The following ITGA1 variants were observed in gnomAD, a reference collection of about 807,000 sequenced individuals.
ITGA1 encodes integrin alpha-1.
ITGA1 carries 85 observed loss-of-function variants against 145.9 expected under a neutral mutation model. That is an observed-to-expected ratio of 0.58 (90% CI 0.49 to 0.70). The LOEUF (loss-of-function observed/expected upper bound fraction) is 0.70. ITGA1 is among the 30% of genes least tolerant of loss of function. The probability of loss-of-function intolerance (pLI) is 0.00; values close to 1 mark genes in which losing one functional copy is unlikely to be tolerated. For missense variants in ITGA1, 1,351 were observed against 1,418.7 expected (o/e 0.95, Z 0.77); for synonymous variants, 520 against 495.3 (o/e 1.05, Z -0.66).
chr5:52,930,042 C>T (rs1005073028), intron 21 of ITGA1, among the ~76,000 whole-genome samples: 1 of 152,148 alleles, frequency 6.6e-6, no homozygotes, highest in East Asian at 1.9e-4. Context: ...GGCTGCCCAT[C>T]AAGGTCAAAT....
chr5:52,802,133 A>T (rs967602671), intron 1 of ITGA1: 2 of 293,448 alleles, frequency 6.8e-6, no homozygotes, highest in African/African-American at 4.4e-5. Flanking sequence ...TTTAAAGACG[A>T]TGCCTATGCA....
At chr5:52,805,042 A>C (rs1748563328) in intron 1 of ITGA1, among the ~76,000 whole-genome samples, 1 of 152,154 alleles carries the variant, frequency 6.6e-6, no homozygotes, top group Non-Finnish European at 1.5e-5. Flanking sequence ...ATGTAAGCAA[A>C]TCACTGTTAG....
chr5:52,838,214 A>G (rs925650240), intron 1 of ITGA1, among the ~76,000 whole-genome samples: 14 of 152,168 alleles, frequency 9.2e-5, no homozygotes, highest in African/African-American at 3.1e-4. Context: ...AGGAAGGGAG[A>G]GAAATTATAC....
rs1376008026 is a variant in ITGA1, at chr5:52,898,287, G to C, written c.1213G>C (p.Val405Leu). Residue 405 changes from valine (V) to leucine (L), a missense_variant, in exon 11 of 29, where the codon GTT becomes CTT. Val to Leu is a conservative substitution (Grantham distance 32). Transcript: ENST00000282588. ...AGGAGCCTATGATTGGAATGGAACA[G>C]TTGTCATGCAGAAGGCTAGTCAAAT... ...AVGAYDWNGT[V>L]VMQKASQIII... 3.7e-6 allele frequency: 6 copies of C among 1,611,958 alleles called. No homozygotes were observed. The highest frequency in any genetic ancestry group is 3.4e-6 in the Non-Finnish European group (4 of 1,178,776).
Position 52,830,131 on chromosome 5 carries a change from C to G in ITGA1, c.62-19234C>G, listed in dbSNP as rs147393446. On this transcript the variant is annotated intron_variant, in intron 1 of 28. Coordinates refer to ENST00000282588, the MANE Select transcript of ITGA1 (RefSeq NM_181501.2). ...AAAAAGCCAGTAGGGTATAGTAGCT[C>G]TGTGGCAAGCAATTTTAGTATCAGA... 3.3e-3 allele frequency among the ~76,000 whole-genome samples: 496 copies of G among 152,202 alleles called. 3 individuals are homozygous for G. Among genetic ancestry groups the G allele is most frequent in the African/African-American group, 0.011 (453 of 41,542 alleles).
At chr5:52,852,410 G>T (rs1170105887) in intron 2 of ITGA1, among the ~76,000 whole-genome samples, 1 of 152,092 alleles carries the variant, frequency 6.6e-6, no homozygotes, top group Non-Finnish European at 1.5e-5. Flanking sequence ...GAGCCTTCAG[G>T]CTGTATTAGG....
At chr5:52,844,230 A>G (rs1441143279) in intron 1 of ITGA1, among the ~76,000 whole-genome samples, 1 of 152,170 alleles carries the variant, frequency 6.6e-6, no homozygotes, top group Non-Finnish European at 1.5e-5. Context: ...AAGTCCTTCA[A>G]GAAGTTAGAT....
At chr5:52,809,790 A>G (rs1189298001) in intron 1 of ITGA1, among the ~76,000 whole-genome samples, 1 of 152,082 alleles carries the variant, frequency 6.6e-6, no homozygotes, top group East Asian at 1.9e-4. Context: ...GGCGTGAGTC[A>G]CTGCACCTGG....
In ITGA1 at chr5:52,893,841, G is replaced by T; in HGVS notation, c.1090+1G>T. 11 of 1,605,632 alleles carry T rather than the reference G, an allele frequency of 6.9e-6. No homozygotes were observed. Among genetic ancestry groups the T allele is most frequent in the Non-Finnish European group, 9.4e-6 (11 of 1,174,238 alleles). On this transcript the variant is annotated splice_donor_variant, in intron 9 of 28. Coordinates refer to ENST00000282588, the MANE Select transcript of ITGA1 (RefSeq NM_181501.2). LOFTEE classifies it high-confidence loss of function. ...GGAGAAAGAATATTTGCCCTGGAAG[G>T]TATGTCTATTTATCTTATTGCTGCA...
intron 1 of ITGA1, among the ~76,000 whole-genome samples, chr5:52,799,192 A>G (rs1228054291): frequency 6.6e-6 from 1 of 152,164 alleles, no homozygotes; most frequent in African/African-American, 2.4e-5. Flanking sequence ...TGTTTTTTCT[A>G]TTCATCGGTC....
intron 1 of ITGA1, among the ~76,000 whole-genome samples, chr5:52,833,541 T>C (rs991110184): frequency 4.6e-5 from 7 of 152,198 alleles, no homozygotes; most frequent in Admixed American, 2.0e-4. Flanking sequence ...TCTTAAATTA[T>C]TCCATCTGAT....
chr5:52,871,152 A>C (rs185403312), intron 6 of ITGA1, among the ~76,000 whole-genome samples: 1 of 152,334 alleles, frequency 6.6e-6, no homozygotes, highest in Non-Finnish European at 1.5e-5. Flanking sequence ...ATTTAACTAC[A>C]AATGCGCTTT....
intron 28 of ITGA1, among the ~76,000 whole-genome samples, chr5:52,949,943 C>A (rs548067247): frequency 6.6e-6 from 1 of 152,252 alleles, no homozygotes; most frequent in African/African-American, 2.4e-5. Context: ...GTTTGGAGTT[C>A]ATTGGAACTC....
chr5:52,871,678 C>A (rs988003120), intron 6 of ITGA1, among the ~76,000 whole-genome samples: 1 of 151,930 alleles, frequency 6.6e-6, no homozygotes, highest in African/African-American at 2.4e-5. Context: ...TTCCATGTGA[C>A]AATTTAGTAT....
rs745535876 is a variant in ITGA1 at position 52,908,963 on chromosome 5, T to G, written c.1521T>G (p.Ile507Met). 3.1e-6 allele frequency: 5 copies of G among 1,613,894 alleles called. No homozygotes were observed. In the Admixed American group the frequency reaches 8.3e-5, roughly 27 times the overall value. The part of the protein sequence containing the change: ...TDIDKDSNTD[I>M]LLVGAPMYMG... The stretch of plus-strand genomic sequence containing the variant: ...TTGACAAGGATTCTAATACTGACAT[T>G]CTTCTAGTCGGAGCCCCTATGTACA... Residue 507 changes from isoleucine (I) to methionine (M), a missense_variant, in exon 13 of 29, where the codon ATT becomes ATG. Coordinates refer to ENST00000282588, the MANE Select transcript of ITGA1 (RefSeq NM_181501.2).
chr5:52,918,650 A>T, intron 15 of ITGA1, 82 bp from the exon 16 acceptor site: 1 of 1,372,128 alleles, frequency 7.3e-7, no homozygotes, highest in Non-Finnish European at 1.0e-6. Flanking sequence ...ACCCTCTTCC[A>T]TGCACTCACT....
intron 1 of ITGA1, chr5:52,801,020 G>C (rs1278472081): frequency 6.2e-7 from 1 of 1,614,096 alleles, no homozygotes; most frequent in South Asian, 1.1e-5. Flanking sequence ...CTGGTGGCCA[G>C]CCCAGGATTT....
In ITGA1 at chr5:52,794,432, A is replaced by T. The variant is rs528544971; in HGVS notation, c.61+6018A>T. ...GCCAATCCTTAAAAATATCTGTGTA[A>T]CACATTTTACTTATAATATTTTTGG... On this transcript the variant is annotated intron_variant, in intron 1 of 28. Coordinates refer to ENST00000282588, the MANE Select transcript of ITGA1 (RefSeq NM_181501.2). Among the ~76,000 whole-genome samples the T allele has an allele frequency of 2.2e-4, 34 of 151,720 alleles. No individual in the cohort carries two copies. In the South Asian group the frequency reaches 6.9e-3, roughly 31 times the overall value.
chr5:52,930,826 C>T (rs547416974), intron 21 of ITGA1, among the ~76,000 whole-genome samples: 4 of 152,046 alleles, frequency 2.6e-5, no homozygotes, highest in African/African-American at 9.7e-5. Context: ...TATCATATTA[C>T]GCTAGGTACT....
Sources: allele counts gnomAD v4.1 joint callset (sites outside exome capture counted in the v4.1 genomes callset), GRCh38; gene constraint gnomAD v4.1.1; transcripts MANE v1.5; gene names NCBI Gene and HGNC (gene_info 2026-07-23, HGNC 2026-07-21).